Variants in ZPBP observed in about 807,000 individuals in gnomAD.
ZPBP encodes the protein zona pellucida binding protein.
Under a neutral mutation model 44.8 loss-of-function variants are expected in ZPBP, and 26 were observed. The observed-to-expected ratio is 0.58, with a 90% CI of 0.43 to 0.81. ZPBP has a LOEUF of 0.81. Among genes scored for constraint, ZPBP ranks in the 30% least tolerant of loss-of-function variants. ZPBP has a pLI of 0.00. For synonymous variants in ZPBP, 174 were observed against 153.2 expected (o/e 1.14, Z -1.00); for missense variants, 409 against 434.0 (o/e 0.94, Z 0.51).
At chr7:49,846,704 A>G (rs190552158), downstream of ZPBP, among the ~76,000 whole-genome samples, 1 of 152,342 alleles carries the variant, frequency 6.6e-6, no homozygotes, top group Non-Finnish European at 1.5e-5. Flanking sequence ...CCTAAAGAGC[A>G]AAGAGCAGAT....
chr7:49,964,917 G>T (rs1413313656), intron 7 of ZPBP, among the ~76,000 whole-genome samples: 1 of 152,070 alleles, frequency 6.6e-6, no homozygotes, highest in Non-Finnish European at 1.5e-5. Flanking sequence ...CTTAGGACAT[G>T]AACTTTGGAT....
chr7:49,979,824 C>CATATATATAT (rs56222305), intron 7 of ZPBP, among the ~76,000 whole-genome samples: 1 of 112,410 alleles, frequency 8.9e-6, no homozygotes. Context: ...TGGAGTTATA[C>CATATATATAT]ATATATATAT....
chr7:49,928,071 T>C (rs1012898361), intron 1 of ZPBP, among the ~76,000 whole-genome samples: 1 of 152,072 alleles, frequency 6.6e-6, no homozygotes, highest in Non-Finnish European at 1.5e-5. Context: ...TGTTAGAAAA[T>C]TGGGCACTCA....
chr7:49,869,473 A>G (rs115376123), intron 2 of ZPBP, among the ~76,000 whole-genome samples: 376 of 152,338 alleles, frequency 2.5e-3, no homozygotes, highest in African/African-American at 8.8e-3. Context: ...GGAAAAAATT[A>G]TCTTGTATAT....
intron 1 of ZPBP, among the ~76,000 whole-genome samples, chr7:49,910,377 A>C (rs1390946848): frequency 6.6e-6 from 1 of 152,230 alleles, no homozygotes; most frequent in African/African-American, 2.4e-5. Flanking sequence ...TTCACACGCT[A>C]TAATTAAACA....
At chr7:50,085,331 G>A (rs1911758) in intron 2 of ZPBP, among the ~76,000 whole-genome samples, 125,685 of 151,654 alleles carry the variant, frequency 0.83, 52,114 homozygotes, top group East Asian at 0.88. Context: ...AGTAATTTCT[G>A]TTGTTTAAGC....
intron 7 of ZPBP, among the ~76,000 whole-genome samples, chr7:49,955,379 A>G (rs1210836380): frequency 6.6e-6 from 1 of 152,098 alleles, no homozygotes; most frequent in Non-Finnish European, 1.5e-5. Context: ...TAACACGATG[A>G]AACCCCATCT....
At chr7:49,948,162 C>T (rs1488712357) in intron 7 of ZPBP, among the ~76,000 whole-genome samples, 5 of 152,174 alleles carry the variant, frequency 3.3e-5, no homozygotes, top group Non-Finnish European at 4.4e-5. Flanking sequence ...GAACTGAAGA[C>T]TCCAGGAGCC....
chr7:50,083,273 G>A (rs2128853253), intron 2 of ZPBP, among the ~76,000 whole-genome samples: 1 of 152,014 alleles, frequency 6.6e-6, no homozygotes, highest in East Asian at 1.9e-4. Context: ...CCATTTTATA[G>A]GAAGGAAGAT....
At chr7:50,003,456 G>T (rs1324095476) in intron 6 of ZPBP, among the ~76,000 whole-genome samples, 2 of 152,208 alleles carry the variant, frequency 1.3e-5, no homozygotes, top group African/African-American at 4.8e-5. Flanking sequence ...CAGTGCAGTT[G>T]AAGTGAGGAT....
chr7:50,010,559 C>T (rs1196935956), intron 6 of ZPBP, among the ~76,000 whole-genome samples: 4 of 152,046 alleles, frequency 2.6e-5, no homozygotes, highest in East Asian at 1.9e-4. Context: ...ACGCCACCAA[C>T]GACCAAACTG....
intron 2 of ZPBP, among the ~76,000 whole-genome samples, chr7:49,852,084 G>A (rs1790203551): frequency 1.3e-5 from 2 of 152,198 alleles, no homozygotes; most frequent in African/African-American, 2.4e-5. Flanking sequence ...CTGGGAGCCC[G>A]ACAGAGGCCA....
chr7:49,859,858 T>C (rs903056987), intron 2 of ZPBP, among the ~76,000 whole-genome samples: 3 of 152,084 alleles, frequency 2.0e-5, no homozygotes, highest in Admixed American at 1.3e-4. Context: ...ACAATTGCAT[T>C]GATGTTTAGA....
intron 2 of ZPBP, among the ~76,000 whole-genome samples, chr7:49,854,092 A>G (rs1230815672): frequency 2.0e-5 from 3 of 151,624 alleles, no homozygotes; most frequent in African/African-American, 4.9e-5. Flanking sequence ...TATGTGCCAC[A>G]TTTTCTTAAT....
intron 6 of ZPBP, among the ~76,000 whole-genome samples, chr7:49,995,940 A>C (rs375858674): frequency 6.6e-6 from 1 of 152,166 alleles, no homozygotes; most frequent in Non-Finnish European, 1.5e-5. Context: ...AGAAGGAACA[A>C]ATTCTAACGT....
At chr7:50,070,914 G>A (rs1801802489) in intron 3 of ZPBP, among the ~76,000 whole-genome samples, 3 of 152,158 alleles carry the variant, frequency 2.0e-5, no homozygotes, top group Admixed American at 6.5e-5. Context: ...TCTTCACAAT[G>A]CCTGGGAAAG....
chr7:50,034,252 T>G (rs1348650369), intron 4 of ZPBP, among the ~76,000 whole-genome samples: 1 of 152,030 alleles, frequency 6.6e-6, no homozygotes, highest in Admixed American at 6.6e-5. Flanking sequence ...ACTATGACTC[T>G]GCAGACTAAA....
In ZPBP at chr7:50,089,712, A is replaced by G; in HGVS notation, c.128-3T>C. ...TGGTAATCGAACCAAGTGTCCAACT[A>G]TCAAAAAAAAAGATCAACAATTTGT... On this transcript the variant is annotated splice_region_variant and splice_polypyrimidine_tract_variant and intron_variant, in intron 1 of 7. Transcript: ENST00000046087. 1 of 1,606,370 alleles carries G rather than the reference A, an allele frequency of 6.2e-7. No individual in the cohort carries two copies. The highest frequency in any genetic ancestry group is 2.2e-5 in the East Asian group (1 of 44,738).
At chr7:49,931,024 A>T (rs1392703938) in intron 1 of ZPBP, among the ~76,000 whole-genome samples, 1 of 152,220 alleles carries the variant, frequency 6.6e-6, no homozygotes, top group Non-Finnish European at 1.5e-5. Flanking sequence ...GGTTTTATAA[A>T]GGGAGAGCTC....
Sources: gnomAD v4.1 joint callset for allele counts (sites outside exome capture counted in the v4.1 genomes callset) on GRCh38, gnomAD v4.1.1 for gene constraint, MANE v1.5 for transcripts, NCBI Gene and HGNC (gene_info 2026-07-23, HGNC 2026-07-21) for gene names.